Variants in BICDL1 observed in about 807,000 individuals in gnomAD.
BICDL1 encodes the protein BICD family like cargo adaptor 1.
BICDL1 carries 20 observed loss-of-function variants against 76.8 expected under a neutral mutation model. The ratio of observed to expected loss-of-function variants is 0.26; its 90% confidence interval spans 0.18 to 0.38. BICDL1 has a LOEUF of 0.38. BICDL1 is among the 10% of genes least tolerant of loss of function. The pLI is 1.00. For missense variants in BICDL1, 700 were observed against 798.6 expected (o/e 0.88, Z 1.49); for synonymous variants, 383 against 337.1 (o/e 1.14, Z -1.49).
chr12:120,007,473 T>G (rs1348390208), intron 2 of BICDL1, among the ~76,000 whole-genome samples: 2 of 152,042 alleles, frequency 1.3e-5, no homozygotes, highest in Non-Finnish European at 2.9e-5. Flanking sequence ...GTACACACTC[T>G]CAGCTCCTAG....
intron 7 of BICDL1, among the ~76,000 whole-genome samples, chr12:120,077,918 G>C (rs964086105): frequency 2.6e-5 from 4 of 152,064 alleles, no homozygotes; most frequent in Non-Finnish European, 5.9e-5. Context: ...AGCTGTTGTG[G>C]CTGTGCAGTC....
Position 120,093,093 on chromosome 12 carries a change from G to T in BICDL1, c.1798G>T (p.Ala600Ser). ...PAAALCRGHS[A>S]GRGDEPSIAE... ...TGCTGCCCTCTGCAGGGGCCACAGC[G>T]CTGGGCGGGGGGATGAGCCCAGCAT... The change falls in exon 10 of 10, where the codon GCT becomes TCT. Residue 600 changes from alanine (A) to serine (S), a missense_variant. By Grantham distance (99) the Ala-to-Ser change is moderately conservative. Coordinates refer to ENST00000548673, the MANE Select transcript of BICDL1 (RefSeq NM_001367886.1). 1 of 1,612,742 alleles carries T rather than the reference G, an allele frequency of 6.2e-7. No individual in the cohort carries two copies. The highest frequency in any genetic ancestry group is 8.5e-7 in the Non-Finnish European group (1 of 1,179,286).
At position 120,071,521 on chromosome 12, in the gene BICDL1, A is replaced by G. The variant is rs1045224973; in HGVS notation, c.910-101A>G. On this transcript the variant is annotated intron_variant, in intron 4 of 9. Coordinates refer to ENST00000548673, the MANE Select transcript of BICDL1 (RefSeq NM_001367886.1). This position sits in a 1 kb window ranked among gnomAD's most constrained non-coding sequence, Gnocchi z 4.8. ...GTTCTTCTCTCCTATTTATTTTTCT[A>G]TAAATTGGTGGTTGGATCCAGAAGC... 5.7e-6 allele frequency: 8 copies of G among 1,408,892 alleles called. No individual in the cohort carries two copies. Among genetic ancestry groups the G allele is most frequent in the African/African-American group, 2.9e-5 (2 of 68,714 alleles). 87.3% of individuals were successfully genotyped at this position (1,408,892 alleles called of 1,614,324 possible).
Position 120,071,769 on chromosome 12 carries a change from G to A in BICDL1, c.1057G>A (p.Glu353Lys), listed in dbSNP as rs759218142. 3 of 1,610,740 alleles carry A rather than the reference G, an allele frequency of 1.9e-6. No homozygotes were observed. Among genetic ancestry groups the A allele is most frequent in the Non-Finnish European group, 2.5e-6 (3 of 1,179,378 alleles). ...SLLSEIEQSM[E>K]AEELEQEREQ... The stretch of plus-strand genomic sequence containing the variant: ...CCTGTCAGAGATCGAGCAGAGCATG[G>A]AGGCTGAGGAGCTGGAGCAGGAGCG... The change falls in exon 5 of 10, where the codon GAG becomes AAG. Residue 353 changes from glutamate to lysine, a missense_variant. Physicochemically the swap from Glu to Lys is moderately conservative, Grantham distance 56. Around this residue, in one of 3 missense-constraint regions of BICDL1, gnomAD observed 455 missense variants for 548.7 expected, o/e 0.83. Coordinates refer to ENST00000548673, the MANE Select transcript of BICDL1 (RefSeq NM_001367886.1). This position sits in a 1 kb window ranked among gnomAD's most constrained non-coding sequence, Gnocchi z 4.8.
chr12:120,019,683 C>G (rs145117701), intron 2 of BICDL1, among the ~76,000 whole-genome samples: 4 of 152,158 alleles, frequency 2.6e-5, no homozygotes, highest in Non-Finnish European at 5.9e-5. Flanking sequence ...CTCCTGGGCT[C>G]AACAGATCCC....
Position 120,004,817 on chromosome 12 carries a change from ATTTG to A in BICDL1, c.645+6097_645+6100del, listed in dbSNP as rs796832182. ...TCTATCCTAAGTTTAAGTTTTATAGATTTGTTTGTTTGTTTGTTTCTGAGACGGA... is the reference window on the plus strand; with the variant it reads ...TCTATCCTAAGTTTAAGTTTTATAGATTTGTTTGTTTGTTTCTGAGACGGA... On this transcript the variant is annotated intron_variant, in intron 2 of 9. Transcript: ENST00000548673. 3.4e-3 allele frequency among the ~76,000 whole-genome samples: 518 copies of A among 152,036 alleles called. 3 individuals are homozygous for A. Among genetic ancestry groups the A allele is most frequent in the African/African-American group, 0.012 (498 of 41,474 alleles).
chr12:119,999,257 T>C (rs895833561), intron 2 of BICDL1, among the ~76,000 whole-genome samples: 2 of 152,156 alleles, frequency 1.3e-5, no homozygotes, highest in African/African-American at 4.8e-5. Flanking sequence ...CCACAGACTT[T>C]GACAATCACT....
chr12:120,023,783 C>T (rs1952232201), intron 2 of BICDL1, among the ~76,000 whole-genome samples: 1 of 149,740 alleles, frequency 6.7e-6, no homozygotes, highest in Non-Finnish European at 1.5e-5. Context: ...GAGTAAAATT[C>T]CATCTCGAAA....
chr12:120,008,842 T>C (rs146260028), intron 2 of BICDL1, among the ~76,000 whole-genome samples: 78 of 152,256 alleles, frequency 5.1e-4, no homozygotes, highest in African/African-American at 1.7e-3. Flanking sequence ...ATAGGAGCTC[T>C]CTTCTGTGAA....
At chr12:120,004,933 T>G (rs1243708477) in intron 2 of BICDL1, among the ~76,000 whole-genome samples, 1 of 152,118 alleles carries the variant, frequency 6.6e-6, no homozygotes, top group East Asian at 1.9e-4. Context: ...GGGATTCTCC[T>G]GTCTCAGCCT....
At chr12:120,061,904 G>A in intron 3 of BICDL1, 78 bp downstream of exon 3, 1 of 927,064 alleles carries the variant, frequency 1.1e-6, no homozygotes, top group Non-Finnish European at 1.7e-6. Context: ...CTATGTAAAA[G>A]GGCCTAAAAT....
intron 2 of BICDL1, among the ~76,000 whole-genome samples, chr12:120,028,862 G>GA (rs1241586932): frequency 1.3e-5 from 2 of 151,888 alleles, no homozygotes; most frequent in East Asian, 1.9e-4. Context: ...AAACAAAAAA[G>GA]AAAAAACCAA....
chr12:120,092,446 C>A (rs1594229328), intron 9 of BICDL1: 1 of 985,344 alleles, frequency 1.0e-6, no homozygotes, highest in South Asian at 4.7e-5. Context: ...AGGGCAGCAC[C>A]CAGGGCATCC....
chr12:120,057,003 T>C (rs962369997), intron 2 of BICDL1: 1 of 494,172 alleles, frequency 2.0e-6, no homozygotes, highest in African/African-American at 1.9e-5. Context: ...CCAGTGGTCC[T>C]CTCGCCCACG....
At chr12:120,073,937 T>C (rs990633671) in intron 6 of BICDL1, among the ~76,000 whole-genome samples, 5 of 152,332 alleles carry the variant, frequency 3.3e-5, no homozygotes, top group Non-Finnish European at 7.4e-5. Context: ...TTTGTTTTTT[T>C]GAGACGGAGT....
At chr12:120,081,155 C>A in intron 8 of BICDL1, 138 bp downstream of exon 8, 1 of 712,678 alleles carries the variant, frequency 1.4e-6, no homozygotes, top group Non-Finnish European at 2.2e-6. Flanking sequence ...ACCCCCACCC[C>A]CACCCCCACC....
intron 2 of BICDL1, among the ~76,000 whole-genome samples, chr12:120,014,508 A>G (rs931858387): frequency 6.6e-6 from 1 of 152,164 alleles, no homozygotes; most frequent in South Asian, 2.1e-4. Flanking sequence ...CCTGGCCAAC[A>G]TGATGAAACC....
chr12:119,992,256 G>A (rs927651713), intron 1 of BICDL1, among the ~76,000 whole-genome samples: 2 of 152,206 alleles, frequency 1.3e-5, no homozygotes, highest in African/African-American at 4.8e-5. Flanking sequence ...GTTAATGTGA[G>A]AGTGACAAAC....
intron 7 of BICDL1, 30 bp from the exon 8 acceptor site, chr12:120,080,857 G>A (rs1873913456): frequency 6.2e-7 from 1 of 1,609,006 alleles, no homozygotes; most frequent in South Asian, 1.1e-5. Flanking sequence ...CAGGACAGCA[G>A]CAGTGATACC....
Sources: allele counts gnomAD v4.1 joint callset (sites outside exome capture counted in the v4.1 genomes callset), GRCh38; gene constraint gnomAD v4.1.1; regional missense constraint gnomAD v4.1.1; non-coding constraint Gnocchi (gnomAD v3.1); transcripts MANE v1.5; gene names NCBI Gene and HGNC (gene_info 2026-07-23, HGNC 2026-07-21).